The following CIC variants were observed in gnomAD, a reference collection of about 807,000 sequenced individuals.
The protein encoded by CIC is protein capicua homolog.
Under a neutral mutation model 115.7 loss-of-function variants are expected in CIC, and 18 were observed. That is an observed-to-expected ratio of 0.16 (90% CI 0.11 to 0.23). The LOEUF (loss-of-function observed/expected upper bound fraction) is 0.23, where lower values mean the gene tolerates loss of function less well. Among genes scored for constraint, CIC ranks in the 10% least tolerant of loss-of-function variants. The probability of loss-of-function intolerance (pLI) is 1.00; values close to 1 mark genes in which losing one functional copy is unlikely to be tolerated. For synonymous variants in CIC, 1,076 were observed against 923.0 expected, an observed-to-expected ratio of 1.17 and a Z score of -3.01; for missense variants, 2,000 against 2,159.3, an observed-to-expected ratio of 0.93 and a Z score of 1.46.
chr19:42,289,841 C>G lies in CIC; in HGVS notation c.4088-7C>G. The G allele has an allele frequency of 6.3e-7, 1 of 1,588,084 alleles. No homozygotes were observed. The highest frequency in any genetic ancestry group is 8.6e-7 in the Non-Finnish European group (1 of 1,166,648). The stretch of plus-strand genomic sequence containing the variant: ...CCCTCCCCATACTGTTCCCTCCACT[C>G]CCTCAGCTGACGATGGCTTCGGCAC... On this transcript the variant is annotated splice_polypyrimidine_tract_variant and splice_region_variant and intron_variant, in intron 9 of 20. Coordinates refer to ENST00000681038, the MANE Select transcript of CIC (RefSeq NM_001386298.1).
At position 42,295,673 on chromosome 19, in the gene CIC, C is replaced by G; in HGVS notation, c.*482C>G. The G allele has an allele frequency of 4.3e-6, 1 of 233,846 alleles. No individual in the cohort carries two copies. The highest frequency in any genetic ancestry group is 8.4e-6 in the Non-Finnish European group (1 of 118,498). 14.5% of individuals were successfully genotyped at this position (233,846 alleles called of 1,614,324 possible). On this transcript the variant is annotated 3_prime_UTR_variant, in exon 21 of 21. Transcript: ENST00000681038. ...CTCTGCCCTCCCAACTTGGGTTGTA[C>G]TTTCTAAGAAGGTGATTCCCCCTGC...
Position 42,289,189 on chromosome 19 carries a change from T to C in CIC, c.3870T>C (p.Ser1290=), listed in dbSNP as rs2037888578. Residue 1290 remains serine (S), a synonymous_variant, in exon 9 of 21, where the codon TCT becomes TCC. Transcript: ENST00000681038. The stretch of plus-strand genomic sequence containing the variant: ...TGCCACCTATCCTGCAGATGGTGTC[T>C]GGCCCTGCATCGTACTCTGGCCCAA... The part of the protein sequence containing the change: ...QALQELTQMV[S]GPASYSGPKP... The C allele has an allele frequency of 6.2e-7, 1 of 1,613,302 alleles. No individual in the cohort carries two copies. Among genetic ancestry groups the C allele is most frequent in the Non-Finnish European group, 8.5e-7 (1 of 1,180,030 alleles).
intron 2 of CIC, among the ~76,000 whole-genome samples, chr19:42,277,341 C>T (rs925798966): frequency 3.9e-5 from 6 of 152,138 alleles, no homozygotes; most frequent in South Asian, 4.1e-4. Flanking sequence ...GCGATTCTCC[C>T]GCCTCAGCCT....
chr19:42,290,554 G>C lies in CIC; in HGVS notation c.4513G>C (p.Ala1505Pro). 1 of 1,613,504 alleles carries C rather than the reference G, an allele frequency of 6.2e-7. No individual in the cohort carries two copies. Among genetic ancestry groups the C allele is most frequent in the Non-Finnish European group, 8.5e-7 (1 of 1,179,878 alleles). The change falls in exon 11 of 21, where the codon GCC becomes CCC. Residue 1505 changes from alanine to proline, a missense_variant. This residue lies in a region of CIC where 1,466 missense variants were observed against 1,390.4 expected (regional missense o/e 1.05). Transcript: ENST00000681038. ...KATRFLPMDP[A>P]TFRRKRPESV... Reference sequence around the variant, plus strand: ...AACCCGGTTCCTCCCAATGGATCCTGCCACCTTCCGGCGCAAGAGACCCGA... The same window carrying C: ...AACCCGGTTCCTCCCAATGGATCCTCCCACCTTCCGGCGCAAGAGACCCGA...
chr19:42,286,959 G>C (rs2147173071), intron 3 of CIC, 39 bp downstream of exon 3: 3 of 1,608,058 alleles, frequency 1.9e-6, no homozygotes, highest in Non-Finnish European at 2.5e-6. Context: ...CAAGGGTGTG[G>C]GGTCCAGGTG....
In CIC at chr19:42,287,761, C is replaced by T. The variant is rs1011591601; in HGVS notation, c.3492+34C>T. ...GTTGCCTCTTGGCTCCTCCCAGCTT[C>T]TTCTGGTGGGGTGGGTGAGTGAAGG... On this transcript the variant is annotated intron_variant, in intron 6 of 20. Transcript: ENST00000681038. This position sits in a 1 kb window ranked among gnomAD's most constrained non-coding sequence, Gnocchi z 8.7. The T allele has an allele frequency of 6.2e-7, 1 of 1,614,066 alleles. No individual in the cohort carries two copies. Among genetic ancestry groups the T allele is most frequent in the Non-Finnish European group, 8.5e-7 (1 of 1,180,038 alleles).
chr19:42,295,185 C>G lies in CIC; in HGVS notation c.7548C>G (p.Gly2516=). The G allele has an allele frequency of 5.2e-6, 8 of 1,523,912 alleles. No homozygotes were observed. Among genetic ancestry groups the G allele is most frequent in the Non-Finnish European group, 6.1e-6 (7 of 1,140,054 alleles). 94.4% of individuals were successfully genotyped at this position (1,523,912 alleles called of 1,614,324 possible). A position where few individuals can be genotyped will look rare whatever the true frequency, so the allele number is the denominator to read the frequency against. ...CAGGTCCCTCCACAGCTGCCACAGG[C>G]AGGTGAGGGACCCCTGAGAAGATGC... is the stretch of plus-strand genomic sequence containing the variant. ...PPPGPSTAAT[G]R is the part of the protein sequence containing the mutation. The change falls in exon 21 of 21, where the codon GGC becomes GGG. Residue 2516 remains glycine (G), a synonymous_variant. Coordinates refer to ENST00000681038, the MANE Select transcript of CIC (RefSeq NM_001386298.1).
Position 42,270,261 on chromosome 19 carries a change from A to G in CIC, c.-11+880A>G, listed in dbSNP as rs1316129038. On this transcript the variant is annotated intron_variant, in intron 1 of 20. Coordinates refer to ENST00000681038, the MANE Select transcript of CIC (RefSeq NM_001386298.1). This position sits in a 1 kb window ranked among gnomAD's most constrained non-coding sequence, Gnocchi z 4.1. ...CGCCCTCCAGGCTCTGCCTGTGAGG[A>G]CCCCAGGATTGGCCCAAGAAAGGGC... Among the ~76,000 whole-genome samples, 1 of 152,134 alleles carries G rather than the reference A, an allele frequency of 6.6e-6. No homozygotes were observed. The highest frequency in any genetic ancestry group is 2.4e-5 in the African/African-American group (1 of 41,410).
Position 42,291,374 on chromosome 19 carries a change from G to A in CIC, c.5333G>A (p.Gly1778Asp), listed in dbSNP as rs2147272910. 6.2e-7 allele frequency: 1 copy of A among 1,612,422 alleles called. No individual in the cohort carries two copies. The highest frequency in any genetic ancestry group is 8.5e-7 in the Non-Finnish European group (1 of 1,179,724). The change falls in exon 11 of 21, where the codon GGC becomes GAC. Residue 1778 changes from glycine to aspartate, a missense_variant. This residue lies in a region of CIC where 1,466 missense variants were observed against 1,390.4 expected (regional missense o/e 1.05). Coordinates refer to ENST00000681038, the MANE Select transcript of CIC (RefSeq NM_001386298.1). ...AGCATCCGTTTCACCCTCCCACCGGGCACTTCCACCAACGGCAAAGTCCTG... is the reference window on the plus strand; with the variant it reads ...AGCATCCGTTTCACCCTCCCACCGGACACTTCCACCAACGGCAAAGTCCTG... ...TTSIRFTLPP[G>D]TSTNGKVLAA...
chr19:42,289,463 G>C (rs1451646107), intron 9 of CIC, 57 bp downstream of exon 9: 5 of 1,532,420 alleles, frequency 3.3e-6, no homozygotes, highest in Non-Finnish European at 4.4e-6. Context: ...AGGCTCAGAG[G>C]GTGGGCAGAA....
intron 2 of CIC, chr19:42,284,686 G>T: frequency 3.9e-6 from 6 of 1,539,590 alleles, no homozygotes; most frequent in Non-Finnish European, 5.2e-6. Flanking sequence ...CCCCTGCCGG[G>T]TCCCCCCTGC....
Position 42,273,962 on chromosome 19 carries a change from G to A in CIC, c.2179G>A (p.Ala727Thr). The change falls in exon 2 of 21, where the codon GCC becomes ACC. Residue 727 changes from alanine (A) to threonine (T), a missense_variant. Transcript: ENST00000681038. ...GTTGCCGCATCCAGGGGCCTTGGGGGCCCCTGGCGCAGGGGGTGGAGGAGC... is the reference window on the plus strand; with the variant it reads ...GTTGCCGCATCCAGGGGCCTTGGGGACCCCTGGCGCAGGGGGTGGAGGAGC... ...ELLPHPGALG[A>T]PGAGGGGAAP... 1 of 398,834 alleles carries A rather than the reference G, an allele frequency of 2.5e-6. No individual in the cohort carries two copies. Among genetic ancestry groups the A allele is most frequent in the Non-Finnish European group, 4.4e-6 (1 of 226,250 alleles). The allele number at this position is 398,834 out of a possible 1,614,324, so 24.7% of individuals were successfully genotyped here.
At chr19:42,276,761 C>G (rs2036995344) in intron 2 of CIC, among the ~76,000 whole-genome samples, 1 of 152,214 alleles carries the variant, frequency 6.6e-6, no homozygotes, top group East Asian at 1.9e-4. Flanking sequence ...TACCCTTCAC[C>G]CCCCCATATG....
intron 7 of CIC, 97 bp downstream of exon 7, chr19:42,288,072 C>G (rs1010747234): frequency 7.2e-7 from 1 of 1,391,514 alleles, no homozygotes; most frequent in Admixed American, 2.0e-5. Flanking sequence ...AGCAGCTCCT[C>G]TCTGCTCTAT....
Position 42,273,083 on chromosome 19 carries a change from C to G in CIC, c.1300C>G (p.Pro434Ala). ...PPPKSPAFVG[P>A]GRPGEQPSPC... ...ACCCAAGTCTCCAGCCTTTGTGGGC[C>G]CCGGCCGCCCTGGCGAGCAGCCCTC... is the stretch of plus-strand genomic sequence containing the variant. Residue 434 changes from proline to alanine, a missense_variant, in exon 2 of 21, where the codon CCC (proline) becomes GCC (alanine). Coordinates refer to ENST00000681038, the MANE Select transcript of CIC (RefSeq NM_001386298.1). The G allele has an allele frequency of 2.5e-6, 1 of 398,854 alleles. No individual in the cohort carries two copies. Among genetic ancestry groups the G allele is most frequent in the East Asian group, 3.6e-5 (1 of 28,038 alleles). The allele number at this position is 398,854 out of a possible 1,614,324, so 24.7% of individuals were successfully genotyped here. A position where few individuals can be genotyped will look rare whatever the true frequency, so the allele number is the denominator to read the frequency against.
chr19:42,273,992 C>T lies in CIC; in HGVS notation c.2209C>T (p.Pro737Ser), dbSNP rs1273579690. The T allele has an allele frequency of 2.0e-5, 8 of 398,748 alleles. No individual in the cohort carries two copies. The highest frequency in any genetic ancestry group is 3.5e-5 in the Non-Finnish European group (8 of 226,260). 24.7% of individuals were successfully genotyped at this position (398,748 alleles called of 1,614,324 possible). ...APGAGGGGAA[P>S]DFPKSDSLDS... ...TGGCGCAGGGGGTGGAGGAGCCGCC[C>T]CAGACTTTCCCAAGAGTGACAGCTT... Residue 737 changes from proline (P) to serine (S), a missense_variant, in exon 2 of 21, where the codon CCA becomes TCA. By Grantham distance (74) the Pro-to-Ser change is moderately conservative. Around this residue, in one of 8 missense-constraint regions of CIC, gnomAD observed 222 missense variants for 247.7 expected, o/e 0.90. Coordinates refer to ENST00000681038, the MANE Select transcript of CIC (RefSeq NM_001386298.1).
At chr19:42,276,945 T>G (rs1242643462) in intron 2 of CIC, among the ~76,000 whole-genome samples, 1 of 152,140 alleles carries the variant, frequency 6.6e-6, no homozygotes, top group Admixed American at 6.5e-5. Context: ...TGGAGAGTCT[T>G]GATTGAGGCC....
At chr19:42,290,141 C>A in intron 10 of CIC, 92 bp from the exon 11 acceptor site, 2 of 1,579,816 alleles carry the variant, frequency 1.3e-6, no homozygotes, top group Non-Finnish European at 1.7e-6. Context: ...CCTAGGCTGG[C>A]CTGGCTGACA....
Position 42,292,613 on chromosome 19 carries a change from G to T in CIC, c.5950G>T (p.Val1984Leu). 6.2e-7 allele frequency: 1 copy of T among 1,613,430 alleles called. No individual in the cohort carries two copies. Among genetic ancestry groups the T allele is most frequent in the Non-Finnish European group, 8.5e-7 (1 of 1,179,924 alleles). The change falls in exon 15 of 21, where the codon GTG becomes TTG. Residue 1984 changes from valine to leucine, a missense_variant. Val to Leu is a conservative substitution (Grantham distance 32, BLOSUM62 1). This residue lies in a region of CIC where 1,466 missense variants were observed against 1,390.4 expected (regional missense o/e 1.05). Coordinates refer to ENST00000681038, the MANE Select transcript of CIC (RefSeq NM_001386298.1). ...TCCCGGTCAGGTGGGCGTGTCACCT[G>T]TGCCCAGTCCCCAGCTGCCGCCTGC... ...LAPGQVGVSP[V>L]PSPQLPPACA... is the part of the protein sequence containing the mutation.
Sources: allele counts gnomAD v4.1 joint callset (sites outside exome capture counted in the v4.1 genomes callset), GRCh38; gene constraint gnomAD v4.1.1; regional missense constraint gnomAD v4.1.1; non-coding constraint Gnocchi (gnomAD v3.1); transcripts MANE v1.5; gene names NCBI Gene and HGNC (gene_info 2026-07-23, HGNC 2026-07-21).